IPP: variants seen among roughly 807,000 people sequenced by gnomAD.
The protein encoded by IPP is intracisternal A particle-promoted polypeptide.
IPP carries 41 observed loss-of-function variants against 64.1 expected under a neutral mutation model. The observed-to-expected ratio is 0.64, with a 90% confidence interval of 0.50 to 0.83. The LOEUF (loss-of-function observed/expected upper bound fraction) is 0.83, where lower values mean the gene tolerates loss of function less well. Ranked by LOEUF, IPP falls within the 40% of genes least tolerant of loss-of-function variation. The probability of loss-of-function intolerance (pLI) is 0.00; values close to 1 mark genes in which losing one functional copy is unlikely to be tolerated. For synonymous variants in IPP, 214 were observed against 235.2 expected (o/e 0.91, Z 0.83); for missense variants, 649 against 703.0 (o/e 0.92, Z 0.87).
intron 8 of IPP, among the ~76,000 whole-genome samples, chr1:45,705,765 C>A (rs1156344944): frequency 6.6e-6 from 1 of 152,136 alleles, no homozygotes; most frequent in Non-Finnish European, 1.5e-5. Context: ...AAGACTGCCC[C>A]ACTGCACTCC....
At chr1:45,718,163 A>G (rs192840820) in intron 6 of IPP, among the ~76,000 whole-genome samples, 1 of 152,340 alleles carries the variant, frequency 6.6e-6, no homozygotes, top group East Asian at 1.9e-4. Flanking sequence ...TCCTTGTGAT[A>G]TATTTAATTT....
At position 45,741,265 on chromosome 1, in the gene IPP, A is replaced by G. The variant is rs1262948714; in HGVS notation, c.360T>C (p.Thr120=). 6.2e-7 allele frequency: 1 copy of G among 1,614,002 alleles called. No homozygotes were observed. Among genetic ancestry groups the G allele is most frequent in the South Asian group, 1.1e-5 (1 of 91,078 alleles). The part of the protein sequence containing the change: ...LIIAADMLQL[T]EVVHLCCEFL... ...ATTCACAGCAAAGATGAACAACTTC[A>G]GTCAACTGTAGCATGTCTGCTGCAA... The change falls in exon 3 of 9, where the codon ACT becomes ACC. Residue 120 remains threonine, a synonymous_variant. Transcript: ENST00000396478.
At chr1:45,749,251 T>C (rs1327616674) in intron 1 of IPP, among the ~76,000 whole-genome samples, 1 of 152,160 alleles carries the variant, frequency 6.6e-6, no homozygotes, top group Non-Finnish European at 1.5e-5. Context: ...ACAGAAATAC[T>C]AGTCTGTTAC....
In IPP at chr1:45,749,518, GTT is replaced by G. The variant is rs1233626706; in HGVS notation, c.-51+1077_-51+1078del. ...TGTTTTTTTTTTTTGTTTTGTTTTT[GTT>G]TTTTGTTTTTTTTTTTTTGAGACGG... On this transcript the variant is annotated intron_variant, in intron 1 of 8. Transcript: ENST00000396478. Among the ~76,000 whole-genome samples, 6 of 123,670 alleles carry G rather than the reference GTT, an allele frequency of 4.9e-5. 1 individual carries two copies. Among genetic ancestry groups the G allele is most frequent in the East Asian group, 5.0e-4 (2 of 3,992 alleles). The allele number at this position is 123,670 out of a possible 152,430, so 81.1% of individuals were successfully genotyped here.
Position 45,741,287 on chromosome 1 carries a change from G to A in IPP, c.338C>T (p.Ala113Val). The change falls in exon 3 of 9, where the codon GCA (alanine) becomes GTA (valine). Residue 113 changes from alanine to valine, a missense_variant. Coordinates refer to ENST00000396478, the MANE Select transcript of IPP (RefSeq NM_005897.3). ...GVNNVQELII[A>V]ADMLQLTEVV... ...TTCAGTCAACTGTAGCATGTCTGCTGCAATAATCAACTCCTGGACATTATT... is the reference window on the plus strand; with the variant it reads ...TTCAGTCAACTGTAGCATGTCTGCTACAATAATCAACTCCTGGACATTATT... 2 of 1,613,478 alleles carry A rather than the reference G, an allele frequency of 1.2e-6. No individual in the cohort carries two copies. The highest frequency in any genetic ancestry group is 1.7e-6 in the Non-Finnish European group (2 of 1,179,480).
chr1:45,719,165 A>G, intron 6 of IPP, 38 bp downstream of exon 6: 2 of 1,601,202 alleles, frequency 1.2e-6, no homozygotes, highest in Non-Finnish European at 1.7e-6. Context: ...AAATACATAA[A>G]CAATATTAGC....
intron 8 of IPP, among the ~76,000 whole-genome samples, chr1:45,713,278 C>G (rs1165732611): frequency 6.6e-6 from 1 of 151,794 alleles, no homozygotes; most frequent in African/African-American, 2.4e-5. Flanking sequence ...AAAAAAAATT[C>G]AGCTGGGTGC....
intron 5 of IPP, among the ~76,000 whole-genome samples, chr1:45,725,216 G>T (rs1425398246): frequency 5.2e-5 from 7 of 135,756 alleles, no homozygotes; most frequent in South Asian, 2.4e-4. Context: ...GAGGTGGGGG[G>T]GTCAGCCCCC....
chr1:45,711,117 G>A (rs924554665), intron 8 of IPP, among the ~76,000 whole-genome samples: 2 of 142,806 alleles, frequency 1.4e-5, no homozygotes, highest in Admixed American at 1.4e-4. Flanking sequence ...GGTGGATCCC[G>A]AGGTCAGGAG....
chr1:45,725,015 TG>T (rs1257663845), intron 5 of IPP, among the ~76,000 whole-genome samples: 3 of 73,118 alleles, frequency 4.1e-5, no homozygotes, highest in African/African-American at 1.7e-4. Context: ...AGGTGGGAGG[TG>T]GGGGGGTCAG....
At chr1:45,730,749 A>G (rs111873227) in intron 3 of IPP, among the ~76,000 whole-genome samples, 1 of 152,248 alleles carries the variant, frequency 6.6e-6, no homozygotes, top group Non-Finnish European at 1.5e-5. Context: ...CTATCCTTCC[A>G]TCTCTAATCT....
At position 45,727,717 on chromosome 1, in the gene IPP, T is replaced by C. The variant is rs1345333814; in HGVS notation, c.962A>G (p.Gln321Arg). ...AAGTGAAGACACAGTGGTCCAGTACTGGCTAAAGGTGTCAAAACGTTCTAC... is the reference window on the plus strand; with the variant it reads ...AAGTGAAGACACAGTGGTCCAGTACCGGCTAAAGGTGTCAAAACGTTCTAC... ...SCVERFDTFS[Q>R]YWTTVSSLHQ... Residue 321 changes from glutamine to arginine, a missense_variant, in exon 5 of 9, where the codon CAG becomes CGG. By Grantham distance (43) the Gln-to-Arg change is conservative. Coordinates refer to ENST00000396478, the MANE Select transcript of IPP (RefSeq NM_005897.3). The C allele has an allele frequency of 1.2e-6, 2 of 1,600,804 alleles. No individual in the cohort carries two copies. The highest frequency in any genetic ancestry group is 1.7e-5 in the Admixed American group (1 of 59,872).
chr1:45,748,101 G>C (rs894340018), intron 1 of IPP, among the ~76,000 whole-genome samples: 2 of 151,948 alleles, frequency 1.3e-5, no homozygotes, highest in African/African-American at 4.8e-5. Context: ...TGAGAGATTC[G>C]AAGGTAGCTG....
chr1:45,742,489 G>A (rs1340905729), intron 2 of IPP, among the ~76,000 whole-genome samples: 5 of 152,148 alleles, frequency 3.3e-5, no homozygotes, highest in Non-Finnish European at 5.9e-5. Context: ...AGTAAGACAA[G>A]GTCTCTATCT....
At chr1:45,731,301 C>T (rs1221477469) in intron 3 of IPP, among the ~76,000 whole-genome samples, 2 of 151,916 alleles carry the variant, frequency 1.3e-5, no homozygotes, top group East Asian at 1.9e-4. Flanking sequence ...ATGAGCTGGG[C>T]GTGGTGGTAT....
At chr1:45,748,242 T>A (rs1442795530) in intron 1 of IPP, among the ~76,000 whole-genome samples, 1 of 152,172 alleles carries the variant, frequency 6.6e-6, no homozygotes, top group East Asian at 1.9e-4. Context: ...TATACATGTA[T>A]CAAAATATCA....
intron 5 of IPP, among the ~76,000 whole-genome samples, chr1:45,724,154 G>T (rs1429143251): frequency 6.6e-6 from 1 of 152,108 alleles, no homozygotes; most frequent in African/African-American, 2.4e-5. Flanking sequence ...ACTGGTTTTC[G>T]GTTTTTTTTG....
At chr1:45,724,407 T>A (rs1160915850) in intron 5 of IPP, among the ~76,000 whole-genome samples, 1 of 151,802 alleles carries the variant, frequency 6.6e-6, no homozygotes, top group African/African-American at 2.4e-5. Flanking sequence ...CCACCCCGTC[T>A]GGGAAGTGAG....
At chr1:45,742,934 T>A (rs1272586318) in intron 2 of IPP, among the ~76,000 whole-genome samples, 1 of 151,976 alleles carries the variant, frequency 6.6e-6, no homozygotes, top group African/African-American at 2.4e-5. Flanking sequence ...TTTTTTTATT[T>A]TTTTATTTTT....
Sources: gnomAD v4.1 joint callset for allele counts (sites outside exome capture counted in the v4.1 genomes callset) on GRCh38, gnomAD v4.1.1 for gene constraint, MANE v1.5 for transcripts, NCBI Gene and HGNC (gene_info 2026-07-23, HGNC 2026-07-21) for gene names.